The following SPAG16 variants were observed in gnomAD, a reference collection of about 807,000 sequenced individuals.
SPAG16 encodes sperm associated antigen 16.
In SPAG16, 86 loss-of-function variants were observed where a neutral mutation model predicts 80.4. The observed-to-expected ratio is 1.07, with a 90% CI of 0.90 to 1.28. The LOEUF (loss-of-function observed/expected upper bound fraction) is 1.28. Among genes scored for constraint, SPAG16 ranks in the 50% most tolerant of loss-of-function variants. The pLI is 0.00. For missense variants in SPAG16, 870 were observed against 765.3 expected, an observed-to-expected ratio of 1.14 and a Z score of -1.61; for synonymous variants, 294 against 265.9, an observed-to-expected ratio of 1.11 and a Z score of -1.03.
intron 11 of SPAG16, 69 bp from the exon 12 acceptor site, chr2:213,929,891 T>G: frequency 7.3e-7 from 1 of 1,369,826 alleles, no homozygotes; most frequent in Non-Finnish European, 1.0e-6. Context: ...AAATTACTCA[T>G]AGAATGCAGT....
At chr2:213,417,838 A>G (rs1427158152) in intron 9 of SPAG16, among the ~76,000 whole-genome samples, 2 of 151,628 alleles carry the variant, frequency 1.3e-5, no homozygotes, top group Non-Finnish European at 2.9e-5. Flanking sequence ...TCCTCCTTTT[A>G]TAAACAAAGA....
At position 214,013,956 on chromosome 2, in the gene SPAG16, G is replaced by A. The variant is rs746602409; in HGVS notation, c.1406G>A (p.Arg469Lys). ...TSKIWDVNSE[R>K]CRCTLYGHTD... Reference sequence around the variant, plus strand: ...CTTAATTTCTCTCTTTATAGTGAAAGATGCAGATGTACTTTGTATGGACAT... The same window carrying A: ...CTTAATTTCTCTCTTTATAGTGAAAAATGCAGATGTACTTTGTATGGACAT... Residue 469 changes from arginine (R) to lysine (K), a missense_variant, in exon 13 of 16, where the codon AGA (arginine) becomes AAA (lysine). Transcript: ENST00000331683. 1.8e-4 allele frequency: 287 copies of A among 1,612,766 alleles called. No individual in the cohort carries two copies. Among genetic ancestry groups the A allele is most frequent in the Non-Finnish European group, 2.4e-4 (284 of 1,179,406 alleles).
At chr2:214,022,408 A>G (rs960035702) in intron 13 of SPAG16, among the ~76,000 whole-genome samples, 1 of 152,120 alleles carries the variant, frequency 6.6e-6, no homozygotes, top group African/African-American at 2.4e-5. Flanking sequence ...TGTATAAAAT[A>G]TTTTTCCCAC....
At chr2:214,122,642 G>A (rs2054275947) in intron 14 of SPAG16, among the ~76,000 whole-genome samples, 1 of 151,840 alleles carries the variant, frequency 6.6e-6, no homozygotes. Flanking sequence ...AATGATGTCA[G>A]GCAGTATTTA....
chr2:214,311,102 A>G lies in SPAG16; in HGVS notation c.1721-99038A>G, dbSNP rs113097807. Reference sequence around the variant, plus strand: ...CCATTTCTGGCCACTAGGGTCACCTATCCACTAGGGCAGAACAGTGCCCCC... The same window carrying G: ...CCATTTCTGGCCACTAGGGTCACCTGTCCACTAGGGCAGAACAGTGCCCCC... On this transcript the variant is annotated intron_variant, in intron 15 of 15. Coordinates refer to ENST00000331683, the MANE Select transcript of SPAG16 (RefSeq NM_024532.5). 3.4e-3 allele frequency among the ~76,000 whole-genome samples: 510 copies of G among 151,860 alleles called. 3 individuals carry two copies. The highest frequency in any genetic ancestry group is 5.7e-3 in the Non-Finnish European group (388 of 67,984).
At chr2:214,352,161 C>A (rs1269801524) in intron 15 of SPAG16, among the ~76,000 whole-genome samples, 9 of 152,176 alleles carry the variant, frequency 5.9e-5, no homozygotes, top group African/African-American at 2.2e-4. Flanking sequence ...AAGGTCCCAC[C>A]TCTTAATACC....
intron 10 of SPAG16, among the ~76,000 whole-genome samples, chr2:213,622,375 T>A (rs1220016253): frequency 6.6e-6 from 1 of 152,232 alleles, no homozygotes; most frequent in Non-Finnish European, 1.5e-5. Context: ...ATGATTACTT[T>A]CTTGCCGCTC....
intron 10 of SPAG16, among the ~76,000 whole-genome samples, chr2:213,605,925 G>C (rs2061245122): frequency 6.6e-6 from 1 of 152,160 alleles, no homozygotes; most frequent in Non-Finnish European, 1.5e-5. Context: ...ATATATAATA[G>C]ACCATTTACA....
At chr2:213,552,512 G>A (rs1313036596) in intron 10 of SPAG16, among the ~76,000 whole-genome samples, 1 of 152,074 alleles carries the variant, frequency 6.6e-6, no homozygotes, top group African/African-American at 2.4e-5. Context: ...CAACTCAACT[G>A]TTTCTGTGTT....
intron 12 of SPAG16, among the ~76,000 whole-genome samples, chr2:214,008,674 G>A (rs1216435301): frequency 6.6e-6 from 1 of 151,216 alleles, no homozygotes; most frequent in African/African-American, 2.4e-5. Flanking sequence ...GAACCGGGGA[G>A]ACAGAGGTTG....
At chr2:213,434,966 C>G (rs918793078) in intron 9 of SPAG16, among the ~76,000 whole-genome samples, 6 of 152,062 alleles carry the variant, frequency 3.9e-5, no homozygotes, top group Admixed American at 2.6e-4. Context: ...TAGGTATCTA[C>G]CCAAAAGAAA....
chr2:213,558,085 T>C (rs1167059249), intron 10 of SPAG16, among the ~76,000 whole-genome samples: 1 of 152,172 alleles, frequency 6.6e-6, no homozygotes, highest in Non-Finnish European at 1.5e-5. Flanking sequence ...GAATGAATAC[T>C]TTATAAATCT....
chr2:213,630,169 A>G (rs1213545223), intron 10 of SPAG16, among the ~76,000 whole-genome samples: 1 of 152,140 alleles, frequency 6.6e-6, no homozygotes, highest in Non-Finnish European at 1.5e-5. Flanking sequence ...GGATCACATC[A>G]GGTCAGGAGT....
chr2:213,991,212 C>T (rs912261198), intron 12 of SPAG16, among the ~76,000 whole-genome samples: 13 of 152,000 alleles, frequency 8.6e-5, no homozygotes, highest in African/African-American at 3.1e-4. Flanking sequence ...TCCATGTGTT[C>T]CCATTGTTCA....
At position 213,458,117 on chromosome 2, in the gene SPAG16, T is replaced by G. The variant is rs77192248; in HGVS notation, c.943-31846T>G. On this transcript the variant is annotated intron_variant, in intron 9 of 15. Coordinates refer to ENST00000331683, the MANE Select transcript of SPAG16 (RefSeq NM_024532.5). ...TACTATTGCCACATTTTCATTTGTA[T>G]AGATTTTTTATTCTGTAAGACTCCA... 8.8e-3 allele frequency among the ~76,000 whole-genome samples: 1,342 copies of G among 152,286 alleles called. 19 individuals are homozygous for G. The highest frequency in any genetic ancestry group is 0.03 in the African/African-American group (1,252 of 41,558).
At chr2:214,034,750 A>C (rs1010517083) in intron 13 of SPAG16, among the ~76,000 whole-genome samples, 7 of 152,184 alleles carry the variant, frequency 4.6e-5, no homozygotes, top group Non-Finnish European at 7.3e-5. Context: ...AGGAACTGCA[A>C]AGCCCCATAG....
intron 10 of SPAG16, among the ~76,000 whole-genome samples, chr2:213,848,012 A>G (rs1013718722): frequency 6.6e-6 from 1 of 152,208 alleles, no homozygotes; most frequent in Non-Finnish European, 1.5e-5. Context: ...TGAGTTATTT[A>G]TTAAAGGACA....
chr2:214,126,081 T>G (rs918758337), intron 14 of SPAG16, among the ~76,000 whole-genome samples: 2 of 136,770 alleles, frequency 1.5e-5, no homozygotes, highest in African/African-American at 2.7e-5. Context: ...TTTTTTTTTT[T>G]TGGCGTTTCT....
intron 15 of SPAG16, among the ~76,000 whole-genome samples, chr2:214,268,595 A>G (rs1427932122): frequency 6.6e-6 from 1 of 151,948 alleles, no homozygotes; most frequent in Middle Eastern, 3.2e-3. Flanking sequence ...CAAAAACTCA[A>G]TATTTTATCT....
Sources: allele counts gnomAD v4.1 joint callset (sites outside exome capture counted in the v4.1 genomes callset), GRCh38; gene constraint gnomAD v4.1.1; transcripts MANE v1.5; gene names NCBI Gene and HGNC (gene_info 2026-07-23, HGNC 2026-07-21).